The following TBPL2 variants were observed in gnomAD, a reference collection of about 807,000 sequenced individuals.
TBPL2 encodes TATA-box binding protein like 2.
TBPL2 carries 40 observed loss-of-function variants against 38.2 expected under a neutral mutation model. The observed-to-expected ratio is 1.05, with a 90% CI of 0.81 to 1.36. TBPL2 has a LOEUF of 1.36. Among genes scored for constraint, TBPL2 ranks in the 40% most tolerant of loss-of-function variants. TBPL2 has a pLI of 0.00. For synonymous variants in TBPL2, 169 were observed against 171.7 expected, an observed-to-expected ratio of 0.98 and a Z score of 0.12; for missense variants, 461 against 456.7, an observed-to-expected ratio of 1.01 and a Z score of -0.09.
chr14:55,420,444 C>T (rs1343858499), intron 6 of TBPL2, among the ~76,000 whole-genome samples: 1 of 152,176 alleles, frequency 6.6e-6, no homozygotes, highest in Non-Finnish European at 1.5e-5. Context: ...CAAAAATAAC[C>T]TAAACTGCGT....
chr14:55,439,782 T>G (rs1022580981), intron 1 of TBPL2, among the ~76,000 whole-genome samples: 7 of 151,368 alleles, frequency 4.6e-5, no homozygotes, highest in African/African-American at 1.5e-4. Context: ...TACAAAAAAA[T>G]TAGCCGGGCG....
At chr14:55,419,433 C>A (rs1368028253) in intron 6 of TBPL2, among the ~76,000 whole-genome samples, 3 of 152,162 alleles carry the variant, frequency 2.0e-5, no homozygotes, top group Non-Finnish European at 4.4e-5. Context: ...TTGTTATACC[C>A]CATTCCAGCA....
At position 55,414,399 on chromosome 14, in the gene TBPL2, TTAGAA is replaced by T; in HGVS notation, c.1103_1107del (p.Ile368LysfsTer4). Reference sequence around the variant, plus strand: ...TATGCTCAGGCTTTTTTAAAACCTTTTAGAATAGGATAGATGTTTTCAAATGCTTC... The same window carrying T: ...TATGCTCAGGCTTTTTTAAAACCTTTTAGGATAGATGTTTTCAAATGCTTC... On this transcript the variant is annotated frameshift_variant, in exon 7 of 7. Coordinates refer to ENST00000247219, the Ensembl canonical transcript of TBPL2. LOFTEE classifies it high-confidence loss of function. 1 of 1,606,346 alleles carries T rather than the reference TTAGAA, an allele frequency of 6.2e-7. No homozygotes were observed.
chr14:55,427,880 C>CTTTTT (rs551473740), intron 5 of TBPL2, among the ~76,000 whole-genome samples: 2 of 130,894 alleles, frequency 1.5e-5, no homozygotes, highest in African/African-American at 2.9e-5. Context: ...GTTAGGATTG[C>CTTTTT]TTTTTTTTTT....
chr14:55,417,014 G>A (rs1289123248), intron 6 of TBPL2, among the ~76,000 whole-genome samples: 1 of 152,218 alleles, frequency 6.6e-6, no homozygotes, highest in Non-Finnish European at 1.5e-5. Flanking sequence ...TTGCATTCAA[G>A]CTCAAGGAGT....
At chr14:55,440,614 C>T in exon 1 of TBPL2, 1 of 1,479,590 alleles carries the variant, frequency 6.8e-7, no homozygotes, top group Non-Finnish European at 9.0e-7. Context: ...GCGAGAGAAG[C>T]GTTGGGCGAT....
chr14:55,432,197 C>T lies in TBPL2; in HGVS notation c.788+1433G>A, dbSNP rs539272217. On this transcript the variant is annotated intron_variant, in intron 4 of 6. Transcript: ENST00000247219. Reference sequence around the variant, plus strand: ...CCAAGGTGGGAGGACTACTTGAGCCCAGGAGTTCGAGACCAGCCTGGGCAA... The same window carrying T: ...CCAAGGTGGGAGGACTACTTGAGCCTAGGAGTTCGAGACCAGCCTGGGCAA... Among the ~76,000 whole-genome samples the T allele has an allele frequency of 1.1e-4, 16 of 148,040 alleles. No homozygotes were observed. The East Asian group carries it at 2.6e-3, about 24-fold the overall frequency.
At chr14:55,433,496 T>A (rs537825094) in intron 4 of TBPL2, 134 bp downstream of exon 4, 1 of 826,070 alleles carries the variant, frequency 1.2e-6, no homozygotes, top group South Asian at 1.8e-5. Context: ...AAATGTGGCA[T>A]TTCATTGAAT....
At chr14:55,427,832 T>TATAC (rs1555344152) in intron 5 of TBPL2, among the ~76,000 whole-genome samples, 1 of 145,108 alleles carries the variant, frequency 6.9e-6, no homozygotes, top group Non-Finnish European at 1.5e-5. Flanking sequence ...TGCAGCTATA[T>TATAC]ACACACACAC....
At chr14:55,428,922 G>A in exon 5 of TBPL2, 2 of 1,614,136 alleles carry the variant, frequency 1.2e-6, no homozygotes, top group Non-Finnish European at 1.7e-6. Flanking sequence ...GGGAACCCAA[G>A]CTTCTGCACC....
chr14:55,421,071 A>AAG (rs1224004813), intron 6 of TBPL2, among the ~76,000 whole-genome samples: 3 of 151,774 alleles, frequency 2.0e-5, no homozygotes, highest in South Asian at 2.1e-4. Flanking sequence ...AAAAAAAAAA[A>AAG]AAAAAAAGAA....
chr14:55,433,185 G>C (rs761101126), intron 4 of TBPL2, among the ~76,000 whole-genome samples: 1 of 152,096 alleles, frequency 6.6e-6, no homozygotes, highest in Non-Finnish European at 1.5e-5. Context: ...CTGGACTGCA[G>C]TGGTATGATC....
exon 1 of TBPL2, chr14:55,440,541 G>T (rs1435218201): frequency 8.7e-6 from 14 of 1,600,486 alleles, no homozygotes; most frequent in Non-Finnish European, 1.2e-5. Context: ...GGGCGCAGAG[G>T]CCATTTATGA....
intron 5 of TBPL2, among the ~76,000 whole-genome samples, chr14:55,426,845 G>T (rs1885832733): frequency 6.6e-6 from 1 of 152,228 alleles, no homozygotes; most frequent in African/African-American, 2.4e-5. Flanking sequence ...CCTTCCAGAA[G>T]CTGGTAGTAA....
chr14:55,431,145 G>A (rs1026519973), intron 4 of TBPL2, among the ~76,000 whole-genome samples: 1 of 152,194 alleles, frequency 6.6e-6, no homozygotes, highest in Non-Finnish European at 1.5e-5. Context: ...TACAACAAAA[G>A]AGAATAGGTT....
rs149095218 is a variant in TBPL2, at chr14:55,436,741, C to G, written c.428G>C (p.Gly143Ala). The G allele has an allele frequency of 8.2e-5, 133 of 1,614,014 alleles. No homozygotes were observed. The highest frequency in any genetic ancestry group is 1.1e-4 in the Non-Finnish European group (130 of 1,180,036). ...CAAACTGCTGCTGTTTAAGCCCAGCCCAACGTCCTGTTCGCTGGGTGATGG... is the reference window on the plus strand; with the variant it reads ...CAAACTGCTGCTGTTTAAGCCCAGCGCAACGTCCTGTTCGCTGGGTGATGG... The change falls in exon 2 of 7, where the codon GGG becomes GCG. Residue 143 changes from glycine to alanine, a missense_variant. By Grantham distance (60) the Gly-to-Ala change is moderately conservative (BLOSUM62 0). Coordinates refer to ENST00000247219, the Ensembl canonical transcript of TBPL2.
Position 55,416,218 on chromosome 14 carries a change from C to T in TBPL2, c.1052-1763G>A, listed in dbSNP as rs116520653. 4.9e-3 allele frequency among the ~76,000 whole-genome samples: 749 copies of T among 152,310 alleles called. 8 individuals carry two copies. The highest frequency in any genetic ancestry group is 0.017 in the African/African-American group (719 of 41,574). Reference sequence around the variant, plus strand: ...CTACTAAATGCCACTGAACTGTTCACTTTAAAATGGTTAAATTTGTTATGT... The same window carrying T: ...CTACTAAATGCCACTGAACTGTTCATTTTAAAATGGTTAAATTTGTTATGT... On this transcript the variant is annotated intron_variant, in intron 6 of 6. Transcript: ENST00000247219.
exon 7 of TBPL2, chr14:55,414,213 T>C (rs1885634406): frequency 1.4e-5 from 8 of 585,180 alleles, no homozygotes; most frequent in Non-Finnish European, 2.4e-5. Flanking sequence ...GGAGTCATTT[T>C]GAATAAGAAT....
intron 6 of TBPL2, among the ~76,000 whole-genome samples, chr14:55,417,962 T>C (rs898691432): frequency 6.6e-6 from 1 of 152,222 alleles, no homozygotes; most frequent in Non-Finnish European, 1.5e-5. Flanking sequence ...CTTTCAGTTT[T>C]CTTACTTGTA....
Sources: allele counts gnomAD v4.1 joint callset (sites outside exome capture counted in the v4.1 genomes callset), GRCh38; gene constraint gnomAD v4.1.1; transcripts MANE v1.5; gene names NCBI Gene and HGNC (gene_info 2026-07-23, HGNC 2026-07-21).